The following CADM2 variants were observed in gnomAD, a reference collection of about 807,000 sequenced individuals.
CADM2 encodes cell adhesion molecule 2.
In CADM2, 12 loss-of-function variants were observed where a neutral mutation model predicts 49.8. The ratio of observed to expected loss-of-function variants is 0.24; its 90% CI spans 0.15 to 0.39. The LOEUF is 0.39. Ranked by LOEUF, CADM2 falls within the 10% of genes least tolerant of loss-of-function variation. The pLI is 1.00. For missense variants in CADM2, 378 were observed against 492.3 expected (o/e 0.77, Z 2.20); for synonymous variants, 214 against 175.4 (o/e 1.22, Z -1.74).
chr3:85,883,332 C>A lies in CADM2; in HGVS notation c.280C>A (p.His94Asn), dbSNP rs149128287. 9 of 1,613,598 alleles carry A rather than the reference C, an allele frequency of 5.6e-6. No homozygotes were observed. In the Admixed American group the frequency reaches 8.3e-5, roughly 15 times the overall value. Reference protein sequence around the residue: ...NRIELVRASWHELSISVSDVS... With the variant: ...NRIELVRASWNELSISVSDVS... ...GATCGAGCTGGTTCGCGCTTCCTGG[C>A]ATGAATTGAGTATTAGTGTCAGTGA... Residue 94 changes from histidine (H) to asparagine (N), a missense_variant, in exon 4 of 10, where the codon CAT becomes AAT. His to Asn is a moderately conservative substitution (Grantham distance 68). Transcript: ENST00000383699.
intron 1 of CADM2, among the ~76,000 whole-genome samples, chr3:85,535,101 A>G (rs1272319409): frequency 6.6e-6 from 1 of 152,150 alleles, no homozygotes; most frequent in Non-Finnish European, 1.5e-5. Context: ...TTTTGTATTT[A>G]CAGACTCGAT....
chr3:85,424,295 T>C (rs1208137544), intron 1 of CADM2, among the ~76,000 whole-genome samples: 2 of 151,722 alleles, frequency 1.3e-5, no homozygotes, highest in African/African-American at 4.8e-5. Context: ...ATAGAGATAG[T>C]AGATTTAAAA....
At chr3:85,350,802 G>A (rs531926189) in intron 1 of CADM2, among the ~76,000 whole-genome samples, 22 of 151,988 alleles carry the variant, frequency 1.4e-4, no homozygotes, top group African/African-American at 2.9e-4. Context: ...TAATTCTTCC[G>A]CTACATATCA....
chr3:85,440,099 T>C (rs898136138), intron 1 of CADM2, among the ~76,000 whole-genome samples: 3 of 152,214 alleles, frequency 2.0e-5, no homozygotes, highest in Non-Finnish European at 2.9e-5. Flanking sequence ...GTGTTTTCTA[T>C]GGCTTTTTCA....
At chr3:85,135,563 GA>G (rs2039392526) in intron 1 of CADM2, among the ~76,000 whole-genome samples, 1 of 152,026 alleles carries the variant, frequency 6.6e-6, no homozygotes, top group African/African-American at 2.4e-5. Context: ...ACAGAAATCA[GA>G]ATACCATCAC....
intron 3 of CADM2, among the ~76,000 whole-genome samples, chr3:85,820,537 G>A (rs999516389): frequency 1.3e-5 from 2 of 152,160 alleles, no homozygotes; most frequent in African/African-American, 4.8e-5. Context: ...AGGTTGAAGA[G>A]TGAAAGAGGA....
chr3:85,611,708 C>CTTTT (rs201572143), intron 1 of CADM2, among the ~76,000 whole-genome samples: 1 of 146,996 alleles, frequency 6.8e-6, no homozygotes, highest in African/African-American at 2.5e-5. Flanking sequence ...CAGAGGAATA[C>CTTTT]TTTTTTTTTT....
intron 1 of CADM2, among the ~76,000 whole-genome samples, chr3:85,100,340 A>G (rs2037965625): frequency 6.6e-6 from 1 of 152,200 alleles, no homozygotes. Context: ...ACATGCTTTC[A>G]AGCGTGCAGT....
At chr3:85,464,914 C>T (rs373985449) in intron 1 of CADM2, among the ~76,000 whole-genome samples, 7 of 152,252 alleles carry the variant, frequency 4.6e-5, no homozygotes, top group African/African-American at 1.7e-4. Context: ...CTTTGGGAGG[C>T]CGAGGTGGGT....
At chr3:85,316,300 T>C (rs1399999110) in intron 1 of CADM2, among the ~76,000 whole-genome samples, 1 of 152,192 alleles carries the variant, frequency 6.6e-6, no homozygotes, top group Non-Finnish European at 1.5e-5. Context: ...GTAATTTTCA[T>C]TGTAGTATGT....
chr3:85,904,168 G>A (rs1340923198), intron 5 of CADM2, among the ~76,000 whole-genome samples: 2 of 152,062 alleles, frequency 1.3e-5, no homozygotes, highest in Non-Finnish European at 2.9e-5. Flanking sequence ...CTTCTTCCCT[G>A]GGCAAAATGG....
chr3:85,936,930 A>G (rs991908940), intron 7 of CADM2, among the ~76,000 whole-genome samples: 1 of 151,738 alleles, frequency 6.6e-6, no homozygotes, highest in East Asian at 1.9e-4. Context: ...TTTCCTTCAG[A>G]TTTATCCAAA....
At chr3:85,563,587 A>C (rs2062164237) in intron 1 of CADM2, among the ~76,000 whole-genome samples, 1 of 152,118 alleles carries the variant, frequency 6.6e-6, no homozygotes, top group Admixed American at 6.6e-5. Context: ...ACTGTGAACT[A>C]TATCGAGGGC....
At chr3:85,795,531 G>A (rs980583104) in intron 2 of CADM2, among the ~76,000 whole-genome samples, 1 of 152,160 alleles carries the variant, frequency 6.6e-6, no homozygotes, top group Non-Finnish European at 1.5e-5. Flanking sequence ...CATGTGGGGA[G>A]AAGATGGAGG....
intron 7 of CADM2, among the ~76,000 whole-genome samples, chr3:85,936,865 T>A (rs1165720859): frequency 2.6e-5 from 4 of 151,844 alleles, no homozygotes; most frequent in African/African-American, 9.6e-5. Context: ...GTTTTGATAT[T>A]TTTAAACTGT....
intron 8 of CADM2, among the ~76,000 whole-genome samples, chr3:85,980,359 C>T (rs769027630): frequency 1.5e-4 from 23 of 151,268 alleles, no homozygotes; most frequent in Non-Finnish European, 3.1e-4. Flanking sequence ...AGTTGATTTG[C>T]CGTCTTTGAT....
intron 3 of CADM2, among the ~76,000 whole-genome samples, chr3:85,819,700 T>G (rs1433699836): frequency 1.3e-5 from 2 of 152,118 alleles, no homozygotes; most frequent in African/African-American, 4.8e-5. Flanking sequence ...ACTATATCAT[T>G]ACAGTTTGAT....
chr3:85,206,453 GC>G (rs2041638800), intron 1 of CADM2, among the ~76,000 whole-genome samples: 1 of 151,640 alleles, frequency 6.6e-6, no homozygotes, highest in Non-Finnish European at 1.5e-5. Context: ...GACTACAGGC[GC>G]CCGTCACCAC....
chr3:85,308,546 T>TAATA (rs1419842643), intron 1 of CADM2, among the ~76,000 whole-genome samples: 1 of 151,990 alleles, frequency 6.6e-6, no homozygotes, highest in Non-Finnish European at 1.5e-5. Flanking sequence ...ATGAATCTAT[T>TAATA]GATTCATCGT....
Sources: allele counts gnomAD v4.1 joint callset (sites outside exome capture counted in the v4.1 genomes callset), GRCh38; gene constraint gnomAD v4.1.1; transcripts MANE v1.5; gene names NCBI Gene and HGNC (gene_info 2026-07-23, HGNC 2026-07-21).